The following SH3YL1 variants were observed in gnomAD, a reference collection of about 807,000 sequenced individuals.
SH3YL1 encodes SH3 and SYLF domain containing 1.
Under a neutral mutation model 45.8 loss-of-function variants are expected in SH3YL1, and 41 were observed. That is an observed-to-expected ratio of 0.89 (90% CI 0.70 to 1.16). The LOEUF is 1.16. Ranked by LOEUF, SH3YL1 falls within the 50% of genes most tolerant of loss-of-function variation. The pLI is 0.00. For synonymous variants in SH3YL1, 152 were observed against 151.4 expected (o/e 1.00, Z -0.03); for missense variants, 389 against 409.6 (o/e 0.95, Z 0.43).
chr2:232,445 C>CT (rs11370759), intron 6 of SH3YL1, among the ~76,000 whole-genome samples: 135,103 of 148,916 alleles, frequency 0.91, 61,361 homozygotes, highest in African/African-American at 0.96. Context: ...GTTTAAGTTT[C>CT]TTTTTTTTTT....
At chr2:226,943 T>C (rs2103020802) in intron 8 of SH3YL1, among the ~76,000 whole-genome samples, 1 of 152,130 alleles carries the variant, frequency 6.6e-6, no homozygotes, top group Non-Finnish European at 1.5e-5. Context: ...ATAGTAACCA[T>C]GGTGAAAAAT....
At chr2:246,070 C>T (rs1184999554) in intron 4 of SH3YL1, among the ~76,000 whole-genome samples, 1 of 151,822 alleles carries the variant, frequency 6.6e-6, no homozygotes, top group Non-Finnish European at 1.5e-5. Context: ...TGGTGCACGC[C>T]TGTAGTCCCA....
chr2:231,402 A>G (rs1480494733), intron 6 of SH3YL1, among the ~76,000 whole-genome samples: 2 of 152,162 alleles, frequency 1.3e-5, no homozygotes, highest in Non-Finnish European at 2.9e-5. Flanking sequence ...ACTACCATAA[A>G]TATCCTTATA....
At chr2:235,462 T>C (rs36148994) in intron 4 of SH3YL1, among the ~76,000 whole-genome samples, 16 of 33,920 alleles carry the variant, frequency 4.7e-4, no homozygotes, top group South Asian at 2.4e-3. Context: ...GGCAACAGCA[T>C]GGGCCAGGGG....
At chr2:225,719 T>G (rs1388113013) in intron 8 of SH3YL1, among the ~76,000 whole-genome samples, 1 of 152,228 alleles carries the variant, frequency 6.6e-6, no homozygotes, top group African/African-American at 2.4e-5. Flanking sequence ...ACAAAATATA[T>G]GCAAATTAAG....
At chr2:260,855 A>G (rs186185839) in intron 1 of SH3YL1, 1 of 152,262 alleles carries the variant, frequency 6.6e-6, no homozygotes, top group Admixed American at 6.5e-5. Context: ...GTTGAGAGTT[A>G]ATCTTGCAAA....
At position 224,897 on chromosome 2, in the gene SH3YL1, A is replaced by G. The variant is rs200756306; in HGVS notation, c.805T>C (p.Tyr269His). The G allele has an allele frequency of 1.5e-4, 247 of 1,610,048 alleles. No homozygotes were observed. The highest frequency in any genetic ancestry group is 1.8e-4 in the Non-Finnish European group (208 of 1,176,368). The part of the protein sequence containing the change: ...SQSNRNEYKL[Y>H]PGLSSYHERV... ...TCATGATAGCTGGAAAGTCCAGGAT[A>G]GAGCTTATATTCATTTCTGTTACCT... Residue 269 changes from tyrosine (Y) to histidine (H), a missense_variant, in exon 9 of 10, where the codon TAT (tyrosine) becomes CAT (histidine). Coordinates refer to ENST00000356150, the MANE Select transcript of SH3YL1 (RefSeq NM_015677.4).
intron 5 of SH3YL1, among the ~76,000 whole-genome samples, chr2:233,887 A>T (rs1314145528): frequency 6.6e-6 from 1 of 152,208 alleles, no homozygotes; most frequent in Admixed American, 6.5e-5. Context: ...CTCAAAGCTT[A>T]AGGTGGATTT....
chr2:222,946 C>T (rs1479815210), intron 9 of SH3YL1: 1 of 152,182 alleles, frequency 6.6e-6, no homozygotes, highest in Non-Finnish European at 1.5e-5. Context: ...GAGGTTAATG[C>T]CTTCACAGCT....
At chr2:250,730 A>C (rs1669036556) in intron 2 of SH3YL1, among the ~76,000 whole-genome samples, 1 of 152,196 alleles carries the variant, frequency 6.6e-6, no homozygotes. Context: ...AGAACACTAA[A>C]ATTCTCATGT....
intron 1 of SH3YL1, chr2:261,416 A>T (rs1669586205): frequency 6.6e-6 from 1 of 152,196 alleles, no homozygotes; most frequent in East Asian, 1.9e-4. Context: ...AGTTTTTTCT[A>T]AAAAAAGAGT....
At chr2:250,894 G>C (rs1282060922) in intron 2 of SH3YL1, among the ~76,000 whole-genome samples, 1 of 152,184 alleles carries the variant, frequency 6.6e-6, no homozygotes, top group East Asian at 1.9e-4. Flanking sequence ...TGTCTACTAA[G>C]TGTACTTTAT....
At chr2:228,825 C>T (rs1667898236) in intron 8 of SH3YL1, among the ~76,000 whole-genome samples, 1 of 152,184 alleles carries the variant, frequency 6.6e-6, no homozygotes, top group Non-Finnish European at 1.5e-5. Flanking sequence ...AGCCAAGAAT[C>T]ATATGAGGGA....
At chr2:226,439 G>T (rs778292844) in intron 8 of SH3YL1, among the ~76,000 whole-genome samples, 1 of 152,204 alleles carries the variant, frequency 6.6e-6, no homozygotes, top group Non-Finnish European at 1.5e-5. Flanking sequence ...TATATGAAGA[G>T]ATGTTTACAT....
chr2:261,963 T>C (rs1669605628), intron 1 of SH3YL1, among the ~76,000 whole-genome samples: 1 of 152,238 alleles, frequency 6.6e-6, no homozygotes, highest in Admixed American at 6.5e-5. Flanking sequence ...TTATACTTTA[T>C]GTGAAATGGA....
At chr2:243,627 A>C in intron 4 of SH3YL1, 4 of 1,495,292 alleles carry the variant, frequency 2.7e-6, no homozygotes, top group Non-Finnish European at 3.6e-6. Flanking sequence ...GACGAAGAAG[A>C]GTTTAACTAA....
intron 8 of SH3YL1, among the ~76,000 whole-genome samples, chr2:227,739 G>A (rs1043456990): frequency 1.3e-5 from 2 of 151,374 alleles, no homozygotes; most frequent in Admixed American, 1.3e-4. Context: ...TGTTGTGAAC[G>A]TGGGTTTCCT....
At chr2:226,981 G>A (rs1047602308) in intron 8 of SH3YL1, among the ~76,000 whole-genome samples, 2 of 152,080 alleles carry the variant, frequency 1.3e-5, no homozygotes, top group African/African-American at 2.4e-5. Flanking sequence ...CACATGTTGG[G>A]GAATGCATAT....
intron 9 of SH3YL1, among the ~76,000 whole-genome samples, chr2:219,660 T>A (rs532545015): frequency 2.0e-5 from 3 of 152,306 alleles, no homozygotes; most frequent in Non-Finnish European, 4.4e-5. Context: ...GACAGTTTCA[T>A]GGATGGCAGA....
Sources: allele counts gnomAD v4.1 joint callset (sites outside exome capture counted in the v4.1 genomes callset), GRCh38; gene constraint gnomAD v4.1.1; transcripts MANE v1.5; gene names NCBI Gene and HGNC (gene_info 2026-07-23, HGNC 2026-07-21).